Variants in ZNF175 observed in about 807,000 individuals in gnomAD.
ZNF175 encodes zinc finger protein OTK18.
ZNF175 carries 8 observed loss-of-function variants against 14.0 expected under a neutral mutation model. The observed-to-expected ratio is 0.57, with a 90% CI of 0.34 to 1.03. ZNF175 has a LOEUF of 1.03. ZNF175 is among the 50% of genes least tolerant of loss of function. The pLI is 0.03. For missense variants in ZNF175, 764 were observed against 849.5 expected, an observed-to-expected ratio of 0.90 and a Z score of 1.25; for synonymous variants, 255 against 296.8, an observed-to-expected ratio of 0.86 and a Z score of 1.45.
intron 4 of ZNF175, 99 bp downstream of exon 4, chr19:51,581,981 C>A: frequency 9.1e-7 from 1 of 1,093,154 alleles, no homozygotes; most frequent in Non-Finnish European, 1.3e-6. Context: ...AGTGATGGCC[C>A]GTAGATTGCC....
Position 51,587,391 on chromosome 19 carries a change from C to G in ZNF175, c.1060C>G (p.Gln354Glu). The G allele has an allele frequency of 6.2e-6, 10 of 1,614,002 alleles. No homozygotes were observed. Among genetic ancestry groups the G allele is most frequent in the Non-Finnish European group, 8.5e-6 (10 of 1,180,000 alleles). ...FIQRSELLTH[Q>E]KTHTRKKPYK... is the part of the protein sequence containing the mutation. Reference sequence around the variant, plus strand: ...TCAGAGATCAGAATTGCTTACGCACCAGAAAACACACACTAGAAAGAAGCC... The same window carrying G: ...TCAGAGATCAGAATTGCTTACGCACGAGAAAACACACACTAGAAAGAAGCC... Residue 354 changes from glutamine (Q) to glutamate (E), a missense_variant, in exon 5 of 5, where the codon CAG becomes GAG. By Grantham distance (29) the Gln-to-Glu change is conservative. Transcript: ENST00000262259.
Position 51,592,497 on chromosome 19 carries a change from T to A in ZNF175, c.*4030T>A. 1 of 556,210 alleles carries A rather than the reference T, an allele frequency of 1.8e-6. No homozygotes were observed. Among genetic ancestry groups the A allele is most frequent in the Non-Finnish European group, 3.2e-6 (1 of 317,124 alleles). The allele number at this position is 556,210 out of a possible 1,614,324, so 34.5% of individuals were successfully genotyped here. ...TTCATTAAATCTGAAATAAAGGTAT[T>A]TTGAGAAATTGAATTCCGTTATCAA... is the stretch of plus-strand genomic sequence containing the variant. On this transcript the variant is annotated 3_prime_UTR_variant, in exon 5 of 5. Coordinates refer to ENST00000262259, the MANE Select transcript of ZNF175 (RefSeq NM_007147.4).
Position 51,588,409 on chromosome 19 carries a change from A to G in ZNF175, c.2078A>G (p.His693Arg). 6.2e-7 allele frequency: 1 copy of G among 1,600,188 alleles called. No homozygotes were observed. Among genetic ancestry groups the G allele is most frequent in the Non-Finnish European group, 8.5e-7 (1 of 1,175,030 alleles). Residue 693 changes from histidine to arginine, a missense_variant, in exon 5 of 5, where the codon CAT becomes CGT. Transcript: ENST00000262259. Reference protein sequence around the residue: ...RSNFNKHQTTHTRDKSYKCSY... With the variant: ...RSNFNKHQTTRTRDKSYKCSY... The stretch of plus-strand genomic sequence containing the variant: ...AACTTCAATAAACACCAAACAACTC[A>G]TACCAGAGACAAATCTTACAAATGC...
At position 51,573,144 on chromosome 19, in the gene ZNF175, T is replaced by C; in HGVS notation, c.-180-6T>C. On this transcript the variant is annotated splice_region_variant and splice_polypyrimidine_tract_variant and intron_variant, in intron 1 of 4. Coordinates refer to ENST00000262259, the MANE Select transcript of ZNF175 (RefSeq NM_007147.4). ...TGAGTGACCATGTACTCATTGCTTTTCCAAGGCTTCTGCAGAACCCCCAGG... is the reference window on the plus strand; with the variant it reads ...TGAGTGACCATGTACTCATTGCTTTCCCAAGGCTTCTGCAGAACCCCCAGG... 1.6e-6 allele frequency: 1 copy of C among 631,238 alleles called. No homozygotes were observed. The highest frequency in any genetic ancestry group is 2.8e-6 in the Non-Finnish European group (1 of 360,066). The allele number at this position is 631,238 out of a possible 1,614,324, so 39.1% of individuals were successfully genotyped here.
chr19:51,573,776 A>C (rs1568572171), intron 2 of ZNF175: 1 of 350,582 alleles, frequency 2.9e-6, no homozygotes, highest in Non-Finnish European at 5.0e-6. Context: ...TGCTTGGTCC[A>C]TGGGGTTTGG....
rs74918726 is a variant in ZNF175, at chr19:51,573,321, A to G, written c.-9A>G. The stretch of plus-strand genomic sequence containing the variant: ...CAAGAGAGACCGAGAGTAGAAGCCC[A>G]GAGTGGAGATGCCTGCTGATGTGAA... On this transcript the variant is annotated 5_prime_UTR_variant, in exon 2 of 5. Transcript: ENST00000262259. The G allele has an allele frequency of 1.9e-3, 3,024 of 1,612,914 alleles. 62 individuals carry two copies. The East Asian group carries it at 0.04, about 21-fold the overall frequency.
At position 51,587,037 on chromosome 19, in the gene ZNF175, A is replaced by G. The variant is rs758434392; in HGVS notation, c.706A>G (p.Ser236Gly). The change falls in exon 5 of 5, where the codon AGC becomes GGC. Residue 236 changes from serine (S) to glycine (G), a missense_variant. Coordinates refer to ENST00000262259, the MANE Select transcript of ZNF175 (RefSeq NM_007147.4). The part of the protein sequence containing the change: ...VVGSGQLFSH[S>G]SSDACSKNIH... ...TGGGTCTGGTCAGCTATTCAGCCAT[A>G]GCTCTTCTGATGCCTGCAGCAAGAA... The G allele has an allele frequency of 5.0e-6, 8 of 1,614,118 alleles. No individual in the cohort carries two copies. The African/African-American group carries it at 9.3e-5, about 19-fold the overall frequency.
At chr19:51,576,830 T>C (rs1981805024) in intron 2 of ZNF175, among the ~76,000 whole-genome samples, 1 of 152,150 alleles carries the variant, frequency 6.6e-6, no homozygotes, top group Non-Finnish European at 1.5e-5. Context: ...GGTTTACCGT[T>C]ACTCTCATTT....
rs1401181424 is a variant in ZNF175, at chr19:51,591,949, TAGTAG to T, written c.*3485_*3489del. 1 of 151,698 alleles carries T rather than the reference TAGTAG, an allele frequency of 6.6e-6. No homozygotes were observed. The highest frequency in any genetic ancestry group is 1.5e-5 in the Non-Finnish European group (1 of 67,864). The allele number at this position is 151,698 out of a possible 1,614,324, so 9.4% of individuals were successfully genotyped here. On this transcript the variant is annotated 3_prime_UTR_variant, in exon 5 of 5. Transcript: ENST00000262259. ...ATGCCTGGCTAATTTTTTGTATTTT[TAGTAG>T]AGACGGGGTTTCACCGTGTTGGCCA...
Position 51,588,608 on chromosome 19 carries a change from A to C in ZNF175, c.*141A>C. 4 of 872,218 alleles carry C rather than the reference A, an allele frequency of 4.6e-6. No individual in the cohort carries two copies. The highest frequency in any genetic ancestry group is 4.9e-6 in the Non-Finnish European group (3 of 614,710). 54.0% of individuals were successfully genotyped at this position (872,218 alleles called of 1,614,324 possible). On this transcript the variant is annotated 3_prime_UTR_variant, in exon 5 of 5. Transcript: ENST00000262259. The stretch of plus-strand genomic sequence containing the variant: ...ACTCTAGGGATGCACTGCATGTGTG[A>C]ACACATGATAAAAAAGTCATGCTTT...
At chr19:51,578,585 T>C (rs11672714) in intron 2 of ZNF175, among the ~76,000 whole-genome samples, 35,493 of 151,974 alleles carry the variant, frequency 0.23, 5,245 homozygotes, top group East Asian at 0.69. Flanking sequence ...CTGAGCGTCA[T>C]AGGGAGACCC....
At chr19:51,582,898 C>A (rs554206804) in intron 4 of ZNF175, among the ~76,000 whole-genome samples, 7 of 151,886 alleles carry the variant, frequency 4.6e-5, no homozygotes, top group African/African-American at 1.7e-4. Flanking sequence ...TCTTGTTGCC[C>A]AGGCTGGAGT....
intron 4 of ZNF175, among the ~76,000 whole-genome samples, chr19:51,583,795 C>G (rs576737512): frequency 6.6e-6 from 1 of 152,174 alleles, no homozygotes; most frequent in Non-Finnish European, 1.5e-5. Flanking sequence ...GTTTTCATCA[C>G]TCATGCTCTG....
At chr19:51,579,461 A>T (rs1170560026) in intron 2 of ZNF175, among the ~76,000 whole-genome samples, 1 of 152,032 alleles carries the variant, frequency 6.6e-6, no homozygotes, top group Non-Finnish European at 1.5e-5. Flanking sequence ...GTGTTTTTTA[A>T]CCCAGTAGAA....
At chr19:51,581,309 A>G (rs1368410473) in intron 2 of ZNF175, 82 bp from the exon 3 acceptor site, 7 of 1,601,458 alleles carry the variant, frequency 4.4e-6, no homozygotes, top group Admixed American at 1.7e-5. Flanking sequence ...GAAAATCATT[A>G]AAAGCATGTT....
chr19:51,587,191 G>T lies in ZNF175; in HGVS notation c.860G>T (p.Ser287Ile), dbSNP rs76466205. The change falls in exon 5 of 5, where the codon AGC becomes ATC. Residue 287 changes from serine (S) to isoleucine (I), a missense_variant. Coordinates refer to ENST00000262259, the MANE Select transcript of ZNF175 (RefSeq NM_007147.4). ...GATGGATGTTCTGAATGTGGGGGGA[G>T]CTTCACCCAGAAGTCACACCTCTTT... ...KPDGCSECGGSFTQKSHLFAQ... is the reference protein window; with the variant it reads ...KPDGCSECGGIFTQKSHLFAQ... 1 of 1,614,170 alleles carries T rather than the reference G, an allele frequency of 6.2e-7. No individual in the cohort carries two copies. The highest frequency in any genetic ancestry group is 2.2e-5 in the East Asian group (1 of 44,884).
In ZNF175 at chr19:51,573,155, T is replaced by C. The variant is rs1981648423; in HGVS notation, c.-175T>C. 1.5e-6 allele frequency: 1 copy of C among 661,344 alleles called. No individual in the cohort carries two copies. The highest frequency in any genetic ancestry group is 2.7e-6 in the Non-Finnish European group (1 of 375,630). 41.0% of individuals were successfully genotyped at this position (661,344 alleles called of 1,614,324 possible). A position where few individuals can be genotyped will look rare whatever the true frequency, so the allele number is the denominator to read the frequency against. On this transcript the variant is annotated 5_prime_UTR_variant, in exon 2 of 5. Coordinates refer to ENST00000262259, the MANE Select transcript of ZNF175 (RefSeq NM_007147.4). The stretch of plus-strand genomic sequence containing the variant: ...GTACTCATTGCTTTTCCAAGGCTTC[T>C]GCAGAACCCCCAGGTCAGGCCACAT...
In ZNF175 at chr19:51,592,425, G is replaced by A; in HGVS notation, c.*3958G>A. 1 of 500,496 alleles carries A rather than the reference G, an allele frequency of 2.0e-6. No individual in the cohort carries two copies. 31.0% of individuals were successfully genotyped at this position (500,496 alleles called of 1,614,324 possible). A position where few individuals can be genotyped will look rare whatever the true frequency, so the allele number is the denominator to read the frequency against. ...CATTAGAATGGTGGCTGTCCACCAT[G>A]AGTACAACACAAATGCTCGTTCTTA... On this transcript the variant is annotated 3_prime_UTR_variant, in exon 5 of 5. Transcript: ENST00000262259.
chr19:51,587,681 C>T lies in ZNF175; in HGVS notation c.1350C>T (p.Ile450=), dbSNP rs746677338. ...CAGGGCAGAAGTCCTATGTGTGTATCGAATGCGGGCAGGCCTTCATCCAGA... is the reference window on the plus strand; with the variant it reads ...CAGGGCAGAAGTCCTATGTGTGTATTGAATGCGGGCAGGCCTTCATCCAGA... The part of the protein sequence containing the change: ...IHSGQKSYVC[I]ECGQAFIQKA... Residue 450 remains isoleucine (I), a synonymous_variant, in exon 5 of 5, where the codon ATC becomes ATT. Transcript: ENST00000262259. The T allele has an allele frequency of 8.1e-6, 13 of 1,613,630 alleles. No homozygotes were observed. The African/African-American group carries it at 1.1e-4, about 13-fold the overall frequency.
Sources: gnomAD v4.1 joint callset for allele counts (sites outside exome capture counted in the v4.1 genomes callset) on GRCh38, gnomAD v4.1.1 for gene constraint, MANE v1.5 for transcripts, NCBI Gene and HGNC (gene_info 2026-07-23, HGNC 2026-07-21) for gene names.